Variants in AOPEP observed in about 807,000 individuals in gnomAD.
The protein encoded by AOPEP is aminopeptidase O (putative), also known as aminopeptidase O.
A neutral mutation model predicts 98.1 loss-of-function variants in AOPEP; 77 were observed. The observed-to-expected ratio is 0.78, with a 90% CI of 0.65 to 0.95. AOPEP has a LOEUF of 0.95. Ranked by LOEUF, AOPEP falls within the 40% of genes least tolerant of loss-of-function variation. AOPEP has a pLI of 0.00. For synonymous variants in AOPEP, 346 were observed against 365.3 expected (o/e 0.95, Z 0.60); for missense variants, 1,024 against 1,024.7 (o/e 1.00, Z 0.01).
chr9:94,963,218 A>C (rs1170920142), intron 9 of AOPEP, among the ~76,000 whole-genome samples: 1 of 152,148 alleles, frequency 6.6e-6, no homozygotes, highest in African/African-American at 2.4e-5. Flanking sequence ...ATAATTATTC[A>C]TAAAATACTC....
At position 94,741,089 on chromosome 9, in the gene AOPEP, G is replaced by T. The variant is rs1832966600; in HGVS notation, c.-136+14338G>T. 2.0e-5 allele frequency among the ~76,000 whole-genome samples: 3 copies of T among 152,148 alleles called. No homozygotes were observed. The South Asian group carries it at 6.2e-4, about 32-fold the overall frequency. ...TTCTCTGTTGGGTTGGGGTGGATGTGGGGTGGTGGCTGGAAATGAGCCTGG... is the reference window on the plus strand; with the variant it reads ...TTCTCTGTTGGGTTGGGGTGGATGTTGGGTGGTGGCTGGAAATGAGCCTGG... On this transcript the variant is annotated intron_variant, in intron 1 of 16. Transcript: ENST00000375315.
chr9:94,949,149 A>G (rs1336518613), intron 7 of AOPEP, among the ~76,000 whole-genome samples: 1 of 152,136 alleles, frequency 6.6e-6, no homozygotes, highest in Non-Finnish European at 1.5e-5. Context: ...AGACCATTGC[A>G]TTGATTGGTT....
At chr9:94,731,234 T>G (rs1830447652) in intron 1 of AOPEP, among the ~76,000 whole-genome samples, 1 of 152,028 alleles carries the variant, frequency 6.6e-6, no homozygotes, top group African/African-American at 2.4e-5. Flanking sequence ...CCAACTTGTT[T>G]TTTTTTTTTT....
intron 5 of AOPEP, among the ~76,000 whole-genome samples, chr9:94,824,020 C>T (rs896464931): frequency 6.6e-6 from 1 of 152,174 alleles, no homozygotes; most frequent in Non-Finnish European, 1.5e-5. Context: ...AAATAGGAAT[C>T]GCAGTGGTGA....
intron 5 of AOPEP, among the ~76,000 whole-genome samples, chr9:94,919,162 C>T (rs1342139683): frequency 6.6e-6 from 1 of 152,110 alleles, no homozygotes; most frequent in Non-Finnish European, 1.5e-5. Flanking sequence ...GATCTGCCCA[C>T]CTCAGCCTCC....
At position 94,879,711 on chromosome 9, in the gene AOPEP, A is replaced by T. The variant is rs148515941; in HGVS notation, c.1365-44275A>T. Among the ~76,000 whole-genome samples, 605 of 152,368 alleles carry T rather than the reference A, an allele frequency of 4.0e-3. 4 individuals are homozygous for T. The highest frequency in any genetic ancestry group is 6.6e-3 in the South Asian group (32 of 4,830). ...CGATAACTGAATAAAGTCCATTTGT[A>T]AATGTTCAAATGGTCCATCAGATGG... On this transcript the variant is annotated intron_variant, in intron 5 of 16. Coordinates refer to ENST00000375315, the MANE Select transcript of AOPEP (RefSeq NM_001193329.3).
chr9:94,908,412 C>T (rs934105968), intron 5 of AOPEP, among the ~76,000 whole-genome samples: 6 of 152,142 alleles, frequency 3.9e-5, no homozygotes, highest in African/African-American at 1.4e-4. Flanking sequence ...TACACTATCT[C>T]CTGGGGGATT....
chr9:95,059,411 A>G (rs75202334), intron 13 of AOPEP, among the ~76,000 whole-genome samples: 10,319 of 152,102 alleles, frequency 0.068, 378 homozygotes, highest in South Asian at 0.12. Context: ...AACTTAGAAG[A>G]GTGAGGTGAG....
chr9:94,988,773 T>C (rs1358367576), intron 11 of AOPEP, among the ~76,000 whole-genome samples: 2 of 152,160 alleles, frequency 1.3e-5, no homozygotes, highest in Non-Finnish European at 2.9e-5. Flanking sequence ...GGAGGCGGAT[T>C]AAAACTGCAG....
At chr9:95,063,229 ACT>A (rs1158051212) in intron 14 of AOPEP, among the ~76,000 whole-genome samples, 1 of 152,114 alleles carries the variant, frequency 6.6e-6, no homozygotes, top group Non-Finnish European at 1.5e-5. Flanking sequence ...TTGACAGCTA[ACT>A]CTGGGAACAA....
At chr9:95,100,107 C>G in the AOPEP span, 5 of 232,470 alleles carry the variant, frequency 2.2e-5, no homozygotes. Flanking sequence ...GAGAGGCCCT[C>G]AACTCCAGTG....
intron 7 of AOPEP, among the ~76,000 whole-genome samples, chr9:94,952,642 T>C (rs2058183519): frequency 6.6e-6 from 1 of 152,182 alleles, no homozygotes; most frequent in Non-Finnish European, 1.5e-5. Context: ...GCAGACCTGG[T>C]ATTAGTAGCA....
At chr9:94,976,954 A>G (rs2059886676) in intron 10 of AOPEP, among the ~76,000 whole-genome samples, 2 of 152,224 alleles carry the variant, frequency 1.3e-5, no homozygotes, top group African/African-American at 2.4e-5. Context: ...GGCGTGAGCC[A>G]CTGTGCCTGG....
At chr9:95,082,338 CTG>C (rs2069903959) in intron 15 of AOPEP, among the ~76,000 whole-genome samples, 1 of 152,190 alleles carries the variant, frequency 6.6e-6, no homozygotes. Context: ...TCGTCAGAGT[CTG>C]TGTAGAGAAT....
the AOPEP span, among the ~76,000 whole-genome samples, chr9:95,095,114 T>C: frequency 2.0e-5 from 3 of 152,248 alleles, no homozygotes; most frequent in Non-Finnish European, 4.4e-5. Context: ...TGGGTAAACA[T>C]CTAGAGGCAG....
At chr9:95,090,745 A>C (rs994555671), downstream of AOPEP, among the ~76,000 whole-genome samples, 2 of 152,224 alleles carry the variant, frequency 1.3e-5, no homozygotes, top group African/African-American at 4.8e-5. Context: ...GACAAAGGCA[A>C]AAAGTGGGGT....
At chr9:95,043,027 C>CT (rs1014580303) in intron 13 of AOPEP, among the ~76,000 whole-genome samples, 9 of 151,942 alleles carry the variant, frequency 5.9e-5, no homozygotes, top group African/African-American at 2.2e-4. Flanking sequence ...AATGTCAGCA[C>CT]TTTGGGAGAT....
At chr9:94,934,360 A>G (rs921673370) in intron 7 of AOPEP, among the ~76,000 whole-genome samples, 2 of 124,944 alleles carry the variant, frequency 1.6e-5, no homozygotes, top group African/African-American at 6.8e-5. Context: ...TCTATTGCCC[A>G]GGCTGGAGTT....
chr9:94,828,741 A>G (rs1855225843), intron 5 of AOPEP, among the ~76,000 whole-genome samples: 1 of 151,962 alleles, frequency 6.6e-6, no homozygotes, highest in African/African-American at 2.4e-5. Flanking sequence ...CACAATATAT[A>G]TATATACACA....
Sources: allele counts gnomAD v4.1 joint callset (sites outside exome capture counted in the v4.1 genomes callset), GRCh38; gene constraint gnomAD v4.1.1; transcripts MANE v1.5; gene names NCBI Gene and HGNC (gene_info 2026-07-23, HGNC 2026-07-21).